CAP2: variants seen among roughly 807,000 people sequenced by gnomAD.
CAP2 encodes adenylyl cyclase-associated protein 2.
CAP2 carries 24 observed loss-of-function variants against 57.7 expected under a neutral mutation model. The observed-to-expected ratio is 0.42, with a 90% CI of 0.30 to 0.58. CAP2 has a LOEUF of 0.58. Among genes scored for constraint, CAP2 ranks in the 20% least tolerant of loss-of-function variants. The probability of loss-of-function intolerance (pLI) is 0.22; values close to 1 mark genes in which losing one functional copy is unlikely to be tolerated. For synonymous variants in CAP2, 194 were observed against 207.2 expected (o/e 0.94, Z 0.55); for missense variants, 501 against 590.3 (o/e 0.85, Z 1.57).
At chr6:17,507,620 G>T in intron 5 of CAP2, 21 bp from the exon 6 acceptor site, 1 of 1,450,162 alleles carries the variant, frequency 6.9e-7, no homozygotes, top group South Asian at 1.1e-5. Context: ...CTATGCTTGG[G>T]TGACGGTCCT....
chr6:17,477,483 TTAAGA>T (rs1452537610), intron 4 of CAP2, among the ~76,000 whole-genome samples: 9 of 152,182 alleles, frequency 5.9e-5, no homozygotes, highest in African/African-American at 1.9e-4. Flanking sequence ...CCCCAGATAT[TTAAGA>T]TGATTAAGAT....
chr6:17,409,768 T>C (rs1759089732), intron 1 of CAP2, among the ~76,000 whole-genome samples: 1 of 152,156 alleles, frequency 6.6e-6, no homozygotes, highest in African/African-American at 2.4e-5. Context: ...CTATTTTGAT[T>C]GGCACCACCT....
At chr6:17,496,026 G>GCGGC (rs1554127007) in intron 4 of CAP2, among the ~76,000 whole-genome samples, 6 of 117,040 alleles carry the variant, frequency 5.1e-5, no homozygotes, top group African/African-American at 1.9e-4. Flanking sequence ...GCGTGTGTGG[G>GCGGC]TGGGGGGGGG....
chr6:17,455,403 G>A (rs1760533571), intron 3 of CAP2, among the ~76,000 whole-genome samples: 2 of 152,126 alleles, frequency 1.3e-5, no homozygotes, highest in African/African-American at 4.8e-5. Flanking sequence ...AGAATCAGGA[G>A]AAGAGATACA....
intron 4 of CAP2, among the ~76,000 whole-genome samples, chr6:17,505,280 A>G (rs1761947435): frequency 1.3e-5 from 2 of 151,616 alleles, no homozygotes; most frequent in Non-Finnish European, 2.9e-5. Flanking sequence ...TTTTCAGAGG[A>G]GGGTATATAA....
chr6:17,443,816 T>C (rs1760164435), intron 3 of CAP2, among the ~76,000 whole-genome samples: 1 of 152,216 alleles, frequency 6.6e-6, no homozygotes, highest in South Asian at 2.1e-4. Context: ...TGGTTGTCTT[T>C]ACATTGTGGT....
chr6:17,444,845 AC>A, intron 3 of CAP2, among the ~76,000 whole-genome samples: 1 of 81,222 alleles, frequency 1.2e-5, no homozygotes, highest in Middle Eastern at 6.6e-3. Context: ...CACACACACA[AC>A]ACGAGTCCTG....
At chr6:17,422,714 C>CA (rs1759481745) in intron 2 of CAP2, among the ~76,000 whole-genome samples, 1 of 151,986 alleles carries the variant, frequency 6.6e-6, no homozygotes, top group African/African-American at 2.4e-5. Context: ...ATTATATCAT[C>CA]AAAAATAAAA....
intron 12 of CAP2, among the ~76,000 whole-genome samples, chr6:17,554,930 CTGTACGTGTG>C (rs1318286336): frequency 6.6e-6 from 1 of 152,212 alleles, no homozygotes; most frequent in South Asian, 2.1e-4. Flanking sequence ...TATTCTTTGT[CTGTACGTGTG>C]TGTACGTGTA....
At chr6:17,416,021 T>C (rs1759263133) in intron 1 of CAP2, among the ~76,000 whole-genome samples, 1 of 151,972 alleles carries the variant, frequency 6.6e-6, no homozygotes, top group African/African-American at 2.4e-5. Flanking sequence ...CTTCATCCTT[T>C]GCTGTTTAGA....
chr6:17,455,380 C>T (rs892471416), intron 3 of CAP2, among the ~76,000 whole-genome samples: 1 of 152,018 alleles, frequency 6.6e-6, no homozygotes, highest in Non-Finnish European at 1.5e-5. Context: ...TATGGACAGC[C>T]CACCCCGAGG....
At chr6:17,543,567 G>C (rs1343100554) in intron 11 of CAP2, among the ~76,000 whole-genome samples, 1 of 148,512 alleles carries the variant, frequency 6.7e-6, no homozygotes, top group Non-Finnish European at 1.5e-5. Flanking sequence ...CTTGCAGTGA[G>C]CGAGCCAAGA....
intron 4 of CAP2, among the ~76,000 whole-genome samples, chr6:17,479,244 A>C (rs953112681): frequency 1.3e-5 from 2 of 151,874 alleles, no homozygotes; most frequent in Non-Finnish European, 2.9e-5. Context: ...TACCACACAC[A>C]CCTCCTCCAA....
chr6:17,466,591 T>C (rs1423204512), intron 4 of CAP2, among the ~76,000 whole-genome samples: 1 of 152,228 alleles, frequency 6.6e-6, no homozygotes, highest in Non-Finnish European at 1.5e-5. Context: ...TCTGGAGATC[T>C]TGTTAAAGTG....
intron 1 of CAP2, among the ~76,000 whole-genome samples, chr6:17,411,582 C>T (rs1759142166): frequency 6.6e-6 from 1 of 152,200 alleles, no homozygotes; most frequent in Non-Finnish European, 1.5e-5. Flanking sequence ...GGCCATTTGC[C>T]TGTCTTCTCT....
intron 4 of CAP2, among the ~76,000 whole-genome samples, chr6:17,501,507 TTC>T (rs1343637011): frequency 1.3e-5 from 2 of 152,234 alleles, no homozygotes; most frequent in East Asian, 3.8e-4. Flanking sequence ...CTGAACCATT[TTC>T]CACCTGATAC....
chr6:17,471,406 C>G (rs1445884263), intron 4 of CAP2, among the ~76,000 whole-genome samples: 1 of 152,076 alleles, frequency 6.6e-6, no homozygotes, highest in African/African-American at 2.4e-5. Flanking sequence ...TTTCTTAATA[C>G]AAAGGCATGA....
At chr6:17,464,123 C>T (rs1456040002) in intron 4 of CAP2, among the ~76,000 whole-genome samples, 1 of 152,130 alleles carries the variant, frequency 6.6e-6, no homozygotes, top group Non-Finnish European at 1.5e-5. Flanking sequence ...ATTCCCTCTA[C>T]CAAGGGTTCA....
At chr6:17,499,398 C>CAA (rs71002217) in intron 4 of CAP2, among the ~76,000 whole-genome samples, 1,592 of 67,844 alleles carry the variant, frequency 0.023, 32 homozygotes, top group African/African-American at 0.054. Context: ...GACTCCATCT[C>CAA]AAAAAAAAAA....
Sources: allele counts gnomAD v4.1 joint callset (sites outside exome capture counted in the v4.1 genomes callset), GRCh38; gene constraint gnomAD v4.1.1; transcripts MANE v1.5; gene names NCBI Gene and HGNC (gene_info 2026-07-23, HGNC 2026-07-21).